The following JPH1 variants were observed in gnomAD, a reference collection of about 807,000 sequenced individuals.
The protein encoded by JPH1 is junctophilin-1.
In JPH1, 12 loss-of-function variants were observed where a neutral mutation model predicts 53.6. That is an observed-to-expected ratio of 0.22 (90% CI 0.14 to 0.36). The LOEUF is 0.36. Ranked by LOEUF, JPH1 falls within the 10% of genes least tolerant of loss-of-function variation. JPH1 has a pLI of 1.00. For synonymous variants in JPH1, 375 were observed against 363.8 expected (o/e 1.03, Z -0.35); for missense variants, 808 against 905.5 (o/e 0.89, Z 1.38).
At chr8:74,286,725 G>A (rs903807286) in intron 2 of JPH1, among the ~76,000 whole-genome samples, 2 of 152,090 alleles carry the variant, frequency 1.3e-5, no homozygotes, top group African/African-American at 4.8e-5. Flanking sequence ...CCATTACACT[G>A]GAAATTCATG....
At chr8:74,311,887 A>C (rs1441278916) in intron 2 of JPH1, among the ~76,000 whole-genome samples, 1 of 152,032 alleles carries the variant, frequency 6.6e-6, no homozygotes, top group African/African-American at 2.4e-5. Context: ...TCCATGGTGT[A>C]TATGTGCCAC....
At chr8:74,256,336 G>T (rs1408169426) in intron 3 of JPH1, among the ~76,000 whole-genome samples, 2 of 148,476 alleles carry the variant, frequency 1.3e-5, no homozygotes, top group East Asian at 4.0e-4. Context: ...GGTGGGAATT[G>T]ATCAATGAGA....
At chr8:74,279,507 A>G (rs1806946860) in intron 2 of JPH1, among the ~76,000 whole-genome samples, 1 of 152,118 alleles carries the variant, frequency 6.6e-6, no homozygotes, top group Non-Finnish European at 1.5e-5. Flanking sequence ...TAGGGGGCTG[A>G]GCATGGGTGG....
intron 2 of JPH1, among the ~76,000 whole-genome samples, chr8:74,288,479 G>A (rs1241521630): frequency 6.6e-6 from 1 of 152,216 alleles, no homozygotes; most frequent in African/African-American, 2.4e-5. Flanking sequence ...AGTAGAGCCA[G>A]ACATCCAGAA....
At position 74,242,486 on chromosome 8, in the gene JPH1, A is replaced by G. The variant is rs1805724999; in HGVS notation, c.1905+2043T>C. ...GTGAACCGAGGAAGTTCAGCAACAG[A>G]GTTCAATTCTGTGAATTTTAAAATT... is the stretch of plus-strand genomic sequence containing the variant. On this transcript the variant is annotated intron_variant, in intron 4 of 5. Coordinates refer to ENST00000342232, the MANE Select transcript of JPH1 (RefSeq NM_020647.4). Among the ~76,000 whole-genome samples the G allele has an allele frequency of 2.0e-5, 3 of 152,212 alleles. No individual in the cohort carries two copies. In the South Asian group the frequency reaches 6.2e-4, roughly 32 times the overall value.
At chr8:74,237,458 G>C (rs1470078684) in intron 4 of JPH1, among the ~76,000 whole-genome samples, 155 bp from the exon 5 acceptor site, 1 of 152,154 alleles carries the variant, frequency 6.6e-6, no homozygotes, top group Non-Finnish European at 1.5e-5. Context: ...GACTAAAAAC[G>C]GCAATGCTAT....
chr8:74,291,303 T>C (rs79900798), intron 2 of JPH1, among the ~76,000 whole-genome samples: 103,886 of 152,074 alleles, frequency 0.68, 36,258 homozygotes, highest in African/African-American at 0.84. Context: ...CAAACAACCT[T>C]ATCAAAAAGT....
chr8:74,283,435 G>A (rs991723314), intron 2 of JPH1, among the ~76,000 whole-genome samples: 1 of 152,154 alleles, frequency 6.6e-6, no homozygotes, highest in African/African-American at 2.4e-5. Flanking sequence ...GAGCACAAGA[G>A]AGGGGCTTGC....
rs962852883 is a variant in JPH1, at chr8:74,320,756, G to GGCGGGC, written c.379+147_379+152dup. Among the ~76,000 whole-genome samples the GGCGGGC allele has an allele frequency of 1.4e-4, 21 of 152,160 alleles. No homozygotes were observed. The highest frequency in any genetic ancestry group is 4.1e-4 in the South Asian group (2 of 4,836). On this transcript the variant is annotated intron_variant, in intron 1 of 5. Transcript: ENST00000342232. This position sits in a 1 kb window ranked among gnomAD's most constrained non-coding sequence, Gnocchi z 4.4. ...CGGTCCCAGCGCCCTCTCTGGGAAA[G>GGCGGGC]GCGGGCGCGGGCGCGGGGGTGGGAG...
At chr8:74,256,580 C>G (rs1806245481) in intron 3 of JPH1, among the ~76,000 whole-genome samples, 2 of 151,334 alleles carry the variant, frequency 1.3e-5, no homozygotes, top group Non-Finnish European at 2.9e-5. Flanking sequence ...AAAAACAACC[C>G]CATCAACAAG....
rs1807299027 is a variant in JPH1, at chr8:74,290,676, A to C, written c.1139+24185T>G. Among the ~76,000 whole-genome samples, 3 of 152,220 alleles carry C rather than the reference A, an allele frequency of 2.0e-5. No homozygotes were observed. The South Asian group carries it at 6.2e-4, about 32-fold the overall frequency. On this transcript the variant is annotated intron_variant, in intron 2 of 5. Coordinates refer to ENST00000342232, the MANE Select transcript of JPH1 (RefSeq NM_020647.4). ...AAAAAAGACCCCACATTGCCAAGAC[A>C]ATCCTAAACCAAAAGAACAAAGCTG...
At position 74,235,901 on chromosome 8, in the gene JPH1, G is replaced by C. The variant is rs1806984946; in HGVS notation, c.*1150C>G. The C allele has an allele frequency of 6.6e-6, 1 of 152,190 alleles. No homozygotes were observed. The highest frequency in any genetic ancestry group is 1.5e-5 in the Non-Finnish European group (1 of 68,034). 9.4% of individuals were successfully genotyped at this position (152,190 alleles called of 1,614,324 possible). ...CTGAATGTATTCAACAGAAATTTAA[G>C]TTGGAAAAAGAAAACAAGAAAGAGC... On this transcript the variant is annotated 3_prime_UTR_variant, in exon 6 of 6. Transcript: ENST00000342232.
chr8:74,267,098 T>C (rs1284925853), intron 2 of JPH1, among the ~76,000 whole-genome samples: 2 of 152,132 alleles, frequency 1.3e-5, no homozygotes, highest in Non-Finnish European at 2.9e-5. Context: ...GGTCTGAGAG[T>C]GATGACAAGT....
chr8:74,280,722 CA>C (rs1212453985), intron 2 of JPH1, among the ~76,000 whole-genome samples: 9 of 152,224 alleles, frequency 5.9e-5, no homozygotes, highest in African/African-American at 2.2e-4. Context: ...CTTAAGTTCT[CA>C]AAAATGTGGA....
At chr8:74,283,536 GAGA>G (rs1416428076) in intron 2 of JPH1, among the ~76,000 whole-genome samples, 2 of 152,192 alleles carry the variant, frequency 1.3e-5, no homozygotes, top group Admixed American at 6.5e-5. Flanking sequence ...AAAGGAAGGT[GAGA>G]AGGAGGAAAG....
intron 2 of JPH1, among the ~76,000 whole-genome samples, chr8:74,286,378 T>C (rs150942886): frequency 4.7e-4 from 72 of 152,378 alleles, no homozygotes; most frequent in African/African-American, 1.7e-3. Flanking sequence ...TCATGGTCAT[T>C]ACTGTATTTA....
chr8:74,309,762 A>C (rs1293107090), intron 2 of JPH1, among the ~76,000 whole-genome samples: 1 of 152,230 alleles, frequency 6.6e-6, no homozygotes, highest in Admixed American at 6.5e-5. Context: ...TGAATGCCTA[A>C]GAAATAGAAT....
chr8:74,244,186 C>T (rs1805780821), intron 4 of JPH1, among the ~76,000 whole-genome samples: 1 of 152,174 alleles, frequency 6.6e-6, no homozygotes, highest in Non-Finnish European at 1.5e-5. Context: ...GTCATGATTC[C>T]TTTCCAGCAA....
At chr8:74,298,329 AT>A (rs1447048331) in intron 2 of JPH1, among the ~76,000 whole-genome samples, 2 of 152,188 alleles carry the variant, frequency 1.3e-5, no homozygotes, top group Non-Finnish European at 2.9e-5. Flanking sequence ...TGGTTGTTGT[AT>A]ACAAGATGGG....
Sources: allele counts gnomAD v4.1 joint callset (sites outside exome capture counted in the v4.1 genomes callset), GRCh38; gene constraint gnomAD v4.1.1; non-coding constraint Gnocchi (gnomAD v3.1); transcripts MANE v1.5; gene names NCBI Gene and HGNC (gene_info 2026-07-23, HGNC 2026-07-21).